The following SMCHD1 variants were observed in gnomAD, a reference collection of about 807,000 sequenced individuals.
SMCHD1 encodes structural maintenance of chromosomes flexible hinge domain-containing protein 1.
A neutral mutation model predicts 254.7 loss-of-function variants in SMCHD1; 78 were observed. The ratio of observed to expected loss-of-function variants is 0.31; its 90% CI spans 0.26 to 0.37. SMCHD1 has a LOEUF of 0.37. Ranked by LOEUF, SMCHD1 falls within the 10% of genes least tolerant of loss-of-function variation. The pLI is 1.00. For synonymous variants in SMCHD1, 766 were observed against 794.9 expected (o/e 0.96, Z 0.61); for missense variants, 1,840 against 2,408.1 (o/e 0.76, Z 4.94).
intron 14 of SMCHD1, among the ~76,000 whole-genome samples, chr18:2,706,022 A>G (rs2074505821): frequency 6.6e-6 from 1 of 152,136 alleles, no homozygotes; most frequent in Non-Finnish European, 1.5e-5. Context: ...ATACATTATA[A>G]CTAGTTACCA....
intron 35 of SMCHD1, among the ~76,000 whole-genome samples, chr18:2,761,645 C>T (rs920085706): frequency 6.6e-5 from 10 of 152,090 alleles, no homozygotes; most frequent in African/African-American, 2.4e-4. Flanking sequence ...GGTGAAACCC[C>T]TCCTCTACTA....
rs754508977 is a variant in SMCHD1 at position 2,770,111 on chromosome 18, A to G, written c.4966+3A>G. 9 of 1,599,830 alleles carry G rather than the reference A, an allele frequency of 5.6e-6. No individual in the cohort carries two copies. Among genetic ancestry groups the G allele is most frequent in the Admixed American group, 1.8e-5 (1 of 55,688 alleles). On this transcript the variant is annotated splice_donor_region_variant and intron_variant, in intron 39 of 47. Coordinates refer to ENST00000320876, the MANE Select transcript of SMCHD1 (RefSeq NM_015295.3). The stretch of plus-strand genomic sequence containing the variant: ...ACAGCTTCTTAATGAAATGAAATGT[A>G]AGTCATTTTGTATTCAAGACAAAAA...
chr18:2,782,046 G>T (rs2076165186), intron 44 of SMCHD1, among the ~76,000 whole-genome samples: 1 of 152,190 alleles, frequency 6.6e-6, no homozygotes, highest in South Asian at 2.1e-4. Context: ...AATAGAATTT[G>T]TTCTTCATAA....
chr18:2,655,883 GT>G lies in SMCHD1; in HGVS notation c.-190del, dbSNP rs2073036310. On this transcript the variant is annotated 5_prime_UTR_variant, in exon 1 of 48. Coordinates refer to ENST00000320876, the MANE Select transcript of SMCHD1 (RefSeq NM_015295.3). Reference sequence around the variant, plus strand: ...TGACGTGGTGCACGGGCAGGAGCGCGTTTGAATCGGTTCCCGGGTGATCCTC... The same window carrying G: ...TGACGTGGTGCACGGGCAGGAGCGCGTTGAATCGGTTCCCGGGTGATCCTC... 6 of 379,066 alleles carry G rather than the reference GT, an allele frequency of 1.6e-5. No homozygotes were observed. In the East Asian group the frequency reaches 2.4e-4, roughly 15 times the overall value. 23.5% of individuals were successfully genotyped at this position (379,066 alleles called of 1,614,324 possible). A position where few individuals can be genotyped will look rare whatever the true frequency, so the allele number is the denominator to read the frequency against.
intron 1 of SMCHD1, among the ~76,000 whole-genome samples, chr18:2,658,294 A>G (rs951709019): frequency 7.2e-5 from 11 of 152,180 alleles, no homozygotes; most frequent in Admixed American, 2.6e-4. Context: ...ACTCTTAGAT[A>G]AATAGAGGAA....
intron 2 of SMCHD1, among the ~76,000 whole-genome samples, 186 bp downstream of exon 2, chr18:2,666,418 A>G (rs1384876539): frequency 6.6e-6 from 1 of 152,244 alleles, no homozygotes; most frequent in Non-Finnish European, 1.5e-5. Context: ...AAGCTTGATT[A>G]TAGAAAAATA....
rs375204828 is a variant in SMCHD1 at position 2,711,684 on chromosome 18, G to A, written c.2260+3764G>A. 7.9e-5 allele frequency among the ~76,000 whole-genome samples: 12 copies of A among 151,158 alleles called. 1 individual carries two copies. The East Asian group carries it at 1.4e-3, about 17-fold the overall frequency. ...TTTTTAGTAGAGACGGGGTTTCACC[G>A]TTTTAGCCGGGATGGTCTCGATCTC... On this transcript the variant is annotated intron_variant, in intron 17 of 47. Transcript: ENST00000320876.
intron 7 of SMCHD1, among the ~76,000 whole-genome samples, chr18:2,694,028 T>C (rs1382138965): frequency 1.3e-5 from 2 of 152,184 alleles, no homozygotes; most frequent in East Asian, 1.9e-4. Context: ...GTTTTAGATA[T>C]TCTCTGAAAG....
At chr18:2,728,865 T>C (rs1179705118) in intron 23 of SMCHD1, 4 of 296,820 alleles carry the variant, frequency 1.3e-5, no homozygotes, top group Middle Eastern at 9.8e-4. Flanking sequence ...TTCATATATA[T>C]GAATAGAAAG....
In SMCHD1 at chr18:2,682,751, G is replaced by A. The variant is rs370544513; in HGVS notation, c.639-5643G>A. On this transcript the variant is annotated intron_variant, in intron 5 of 47. Coordinates refer to ENST00000320876, the MANE Select transcript of SMCHD1 (RefSeq NM_015295.3). ...ATTTTCTGAAATATTTTTGGACTTTGATGTAAATTTATTCCTGAAGGAGAT... is the reference window on the plus strand; with the variant it reads ...ATTTTCTGAAATATTTTTGGACTTTAATGTAAATTTATTCCTGAAGGAGAT... 1.3e-4 allele frequency among the ~76,000 whole-genome samples: 20 copies of A among 152,292 alleles called. No individual in the cohort carries two copies. The South Asian group carries it at 3.9e-3, about 30-fold the overall frequency.
chr18:2,769,909 T>C (rs2075946248), intron 38 of SMCHD1, 80 bp from the exon 39 acceptor site: 11 of 1,535,106 alleles, frequency 7.2e-6, no homozygotes, highest in Non-Finnish European at 9.7e-6. Context: ...TGGTGTTTAT[T>C]AGCTATCTAA....
intron 3 of SMCHD1, among the ~76,000 whole-genome samples, chr18:2,669,087 T>C (rs2073522687): frequency 6.6e-6 from 1 of 151,556 alleles, no homozygotes; most frequent in Non-Finnish European, 1.5e-5. Context: ...AGCTCATACC[T>C]GTAATCCCAG....
intron 2 of SMCHD1, 64 bp downstream of exon 2, chr18:2,666,296 A>G: frequency 1.4e-6 from 1 of 739,266 alleles, no homozygotes; most frequent in Non-Finnish European, 2.2e-6. Context: ...CATATATAGC[A>G]ATAACTTTTA....
At chr18:2,707,960 T>A in intron 17 of SMCHD1, 40 bp downstream of exon 17, 17 of 1,159,828 alleles carry the variant, frequency 1.5e-5, no homozygotes, top group Non-Finnish European at 2.0e-5. Context: ...ATATTGTTTT[T>A]AAAATATAAT....
rs1251804899 is a variant in SMCHD1, at chr18:2,718,758, G to T, written c.2458+324G>T. 6.6e-6 allele frequency among the ~76,000 whole-genome samples: 1 copy of T among 152,074 alleles called. No individual in the cohort carries two copies. The highest frequency in any genetic ancestry group is 2.4e-5 in the African/African-American group (1 of 41,390). On this transcript the variant is annotated intron_variant, in intron 19 of 47. Coordinates refer to ENST00000320876, the MANE Select transcript of SMCHD1 (RefSeq NM_015295.3). The surrounding 1 kb of genome is among the most constrained non-coding windows in gnomAD (Gnocchi z 4.6). ...AGTAAAGACAAAGTTTCGCCATGTT[G>T]ACTAGGCTGGTCTCGATCTCATAAC...
At chr18:2,799,983 A>G (rs983721546) in intron 47 of SMCHD1, among the ~76,000 whole-genome samples, 4 of 152,158 alleles carry the variant, frequency 2.6e-5, no homozygotes, top group African/African-American at 9.7e-5. Flanking sequence ...TCTATGTCCG[A>G]AAAATGTCTT....
rs113788331 is a variant in SMCHD1 at position 2,676,006 on chromosome 18, T to G, written c.638+1861T>G. On this transcript the variant is annotated intron_variant, in intron 5 of 47. Coordinates refer to ENST00000320876, the MANE Select transcript of SMCHD1 (RefSeq NM_015295.3). The stretch of plus-strand genomic sequence containing the variant: ...GTACTCGTACTGTCTTTTAAGTCCA[T>G]TATCAGTTCCTTGACCCACTCTAAT... 1.6e-3 allele frequency among the ~76,000 whole-genome samples: 240 copies of G among 152,316 alleles called. 2 individuals are homozygous for G. The highest frequency in any genetic ancestry group is 5.6e-3 in the African/African-American group (233 of 41,570).
At position 2,775,824 on chromosome 18, in the gene SMCHD1, A is replaced by G. The variant is rs1385544122; in HGVS notation, c.5266A>G (p.Thr1756Ala). 6.2e-7 allele frequency: 1 copy of G among 1,612,988 alleles called. No individual in the cohort carries two copies. The highest frequency in any genetic ancestry group is 2.2e-5 in the East Asian group (1 of 44,758). Residue 1756 changes from threonine (T) to alanine (A), a missense_variant, in exon 42 of 48, where the codon ACC (threonine) becomes GCC (alanine). Physicochemically the swap from Thr to Ala is moderately conservative, Grantham distance 58 (BLOSUM62 0). Coordinates refer to ENST00000320876, the MANE Select transcript of SMCHD1 (RefSeq NM_015295.3). ...ASDMDCVVTL[T>A]TDAARRIYDE... is the part of the protein sequence containing the mutation. ...TGACATGGACTGTGTAGTCACCCTA[A>G]CCACTGACGCTGCACGTCGTATCTA...
In SMCHD1 at chr18:2,662,667, C is replaced by CAAAAAAAAAAAAAAAAAAAAAAAAAA. The variant is rs745838636; in HGVS notation, c.187-3467_187-3466insAAAAAAAAAAAAAAAAAAAAAAAAAA. On this transcript the variant is annotated intron_variant, in intron 1 of 47. Transcript: ENST00000320876. ...CTCAACAACAATAACAACAAAAAAC[C>CAAAAAAAAAAAAAAAAAAAAAAAAAA]AAAAAAAAAAAAAAAAAAAAAAAGG... is the stretch of plus-strand genomic sequence containing the variant. Among the ~76,000 whole-genome samples the CAAAAAAAAAAAAAAAAAAAAAAAAAA allele has an allele frequency of 2.2e-4, 8 of 35,666 alleles. 1 individual carries two copies. The highest frequency in any genetic ancestry group is 7.4e-4 in the African/African-American group (6 of 8,126). The allele number at this position is 35,666 out of a possible 152,430, so 23.4% of individuals were successfully genotyped here.
Sources: gnomAD v4.1 joint callset for allele counts (sites outside exome capture counted in the v4.1 genomes callset) on GRCh38, gnomAD v4.1.1 for gene constraint, Gnocchi (gnomAD v3.1) non-coding constraint, MANE v1.5 for transcripts, NCBI Gene and HGNC (gene_info 2026-07-23, HGNC 2026-07-21) for gene names.